PIP5K1B: variants seen among roughly 807,000 people sequenced by gnomAD.
The protein encoded by PIP5K1B is phosphatidylinositol-4-phosphate 5-kinase type 1 beta, also known as phosphatidylinositol 4-phosphate 5-kinase type-1 beta.
Under a neutral mutation model 67.0 loss-of-function variants are expected in PIP5K1B, and 42 were observed. The observed-to-expected ratio is 0.63, with a 90% CI of 0.49 to 0.81. The LOEUF is 0.81. Ranked by LOEUF, PIP5K1B falls within the 30% of genes least tolerant of loss-of-function variation. The probability of loss-of-function intolerance (pLI) is 0.00; values close to 1 mark genes in which losing one functional copy is unlikely to be tolerated. For synonymous variants in PIP5K1B, 214 were observed against 231.4 expected (o/e 0.92, Z 0.68); for missense variants, 459 against 646.3 (o/e 0.71, Z 3.14).
At chr9:68,932,995 G>A (rs1827075962) in intron 12 of PIP5K1B, among the ~76,000 whole-genome samples, 1 of 151,934 alleles carries the variant, frequency 6.6e-6, no homozygotes, top group Non-Finnish European at 1.5e-5. Context: ...AGCTACTCAG[G>A]AAGCTGAGGC....
chr9:68,993,855 G>T (rs1040422184), intron 15 of PIP5K1B, among the ~76,000 whole-genome samples: 2 of 152,064 alleles, frequency 1.3e-5, no homozygotes, highest in African/African-American at 4.8e-5. Context: ...TCCATGTGTG[G>T]TCCTGCCTAA....
In PIP5K1B at chr9:68,711,927, C is replaced by T. The variant is rs1827413422; in HGVS notation, c.-243+6165C>T. On this transcript the variant is annotated intron_variant, in intron 1 of 15. Transcript: ENST00000265382. ...TTAATCAGCTTAAATATCACCTCCT[C>T]CTGGCGACTTTTCTGTTCTTCCAAC... 4.6e-5 allele frequency among the ~76,000 whole-genome samples: 7 copies of T among 152,304 alleles called. No homozygotes were observed. The South Asian group carries it at 1.0e-3, about 23-fold the overall frequency.
chr9:68,833,133 T>TA (rs1463754760), intron 4 of PIP5K1B, among the ~76,000 whole-genome samples: 1 of 152,242 alleles, frequency 6.6e-6, no homozygotes, highest in Non-Finnish European at 1.5e-5. Context: ...ATTGTCATGG[T>TA]ACAGACAGAT....
At chr9:68,707,277 A>G (rs1827169127) in intron 1 of PIP5K1B, among the ~76,000 whole-genome samples, 1 of 152,204 alleles carries the variant, frequency 6.6e-6, no homozygotes, top group African/African-American at 2.4e-5. Context: ...CGTTAAGACT[A>G]GAGAGATTTA....
chr9:68,883,884 A>T (rs1309343638), intron 6 of PIP5K1B, among the ~76,000 whole-genome samples: 1 of 152,148 alleles, frequency 6.6e-6, no homozygotes, highest in Non-Finnish European at 1.5e-5. Flanking sequence ...CAGAAGTGGC[A>T]ACCACACACA....
chr9:68,840,113 A>C (rs141932968), intron 4 of PIP5K1B, among the ~76,000 whole-genome samples: 1 of 152,260 alleles, frequency 6.6e-6, no homozygotes, highest in East Asian at 1.9e-4. Context: ...ACAGTGGCAC[A>C]TGCCTGTAAT....
intron 14 of PIP5K1B, among the ~76,000 whole-genome samples, chr9:68,961,220 A>AAAAAG (rs560989525): frequency 0.22 from 32,609 of 149,070 alleles, 4,365 homozygotes; most frequent in East Asian, 0.51. Context: ...CCGTCTCAAA[A>AAAAAG]AAAAAAAAAA....
chr9:68,798,643 G>A (rs1464513553), intron 2 of PIP5K1B, among the ~76,000 whole-genome samples: 1 of 152,124 alleles, frequency 6.6e-6, no homozygotes. Context: ...TAAGCATGGA[G>A]AGCTAGGCAG....
At chr9:68,723,170 G>A (rs543902078) in intron 1 of PIP5K1B, among the ~76,000 whole-genome samples, 25 of 147,780 alleles carry the variant, frequency 1.7e-4, no homozygotes, top group African/African-American at 6.3e-4. Flanking sequence ...CTGTGTGTGT[G>A]TGTGTGTGTG....
At position 68,738,182 on chromosome 9, in the gene PIP5K1B, A is replaced by G. The variant is rs192128897; in HGVS notation, c.-242-4319A>G. Among the ~76,000 whole-genome samples, 239 of 152,340 alleles carry G rather than the reference A, an allele frequency of 1.6e-3. 1 individual carries two copies. Among genetic ancestry groups the G allele is most frequent in the Non-Finnish European group, 2.3e-3 (154 of 68,032 alleles). On this transcript the variant is annotated intron_variant, in intron 1 of 15. Coordinates refer to ENST00000265382, the MANE Select transcript of PIP5K1B (RefSeq NM_003558.4). ...TGTATGTGGCTGATGATGTAAACCT[A>G]TAGAATAAATCTTCATAATATGAAC...
chr9:68,895,628 GTTT>G (rs11297770), intron 8 of PIP5K1B, among the ~76,000 whole-genome samples: 1 of 145,644 alleles, frequency 6.9e-6, no homozygotes. Context: ...TACTGTTTCT[GTTT>G]TTTTTTTTTT....
chr9:68,789,434 A>G (rs1831831999), intron 2 of PIP5K1B: 2 of 478,114 alleles, frequency 4.2e-6, no homozygotes, highest in Non-Finnish European at 8.4e-6. Flanking sequence ...AGAAACTCTG[A>G]CAAATAGAGG....
chr9:69,003,661 A>C (rs1038541887), intron 15 of PIP5K1B, among the ~76,000 whole-genome samples: 1 of 152,164 alleles, frequency 6.6e-6, no homozygotes, highest in African/African-American at 2.4e-5. Context: ...TTTGTAAGCC[A>C]GTCGGTTGAT....
At chr9:68,893,997 C>T (rs1226180790) in intron 7 of PIP5K1B, among the ~76,000 whole-genome samples, 1 of 152,124 alleles carries the variant, frequency 6.6e-6, no homozygotes, top group Non-Finnish European at 1.5e-5. Context: ...TTTAAATGTT[C>T]ATCCCTCATA....
intron 4 of PIP5K1B, chr9:68,824,425 A>G (rs1025166435): frequency 4.3e-5 from 13 of 303,908 alleles, no homozygotes; most frequent in Non-Finnish European, 7.0e-5. Flanking sequence ...CTCCAGTAGG[A>G]TATTTAACTC....
chr9:68,867,744 T>G (rs1286759668), intron 5 of PIP5K1B, among the ~76,000 whole-genome samples: 1 of 152,194 alleles, frequency 6.6e-6, no homozygotes, highest in Non-Finnish European at 1.5e-5. Context: ...TCTCTAAGTA[T>G]TTCCAAGCCC....
At chr9:68,716,516 T>C (rs977034685) in intron 1 of PIP5K1B, among the ~76,000 whole-genome samples, 24 of 152,054 alleles carry the variant, frequency 1.6e-4, no homozygotes, top group African/African-American at 5.1e-4. Flanking sequence ...GAAGTGCAAA[T>C]CAAAACCACA....
At chr9:68,763,336 G>T (rs1185573041) in intron 2 of PIP5K1B, among the ~76,000 whole-genome samples, 1 of 152,104 alleles carries the variant, frequency 6.6e-6, no homozygotes, top group Non-Finnish European at 1.5e-5. Flanking sequence ...TAACCTTCCT[G>T]TGCTTTACTT....
chr9:68,964,469 C>A (rs551579698), intron 14 of PIP5K1B, among the ~76,000 whole-genome samples: 2 of 152,296 alleles, frequency 1.3e-5, no homozygotes, highest in South Asian at 4.1e-4. Context: ...GGTTGCCTTG[C>A]TGTGAAGGGT....
Sources: gnomAD v4.1 joint callset for allele counts (sites outside exome capture counted in the v4.1 genomes callset) on GRCh38, gnomAD v4.1.1 for gene constraint, MANE v1.5 for transcripts, NCBI Gene and HGNC (gene_info 2026-07-23, HGNC 2026-07-21) for gene names.